DNAAF11: variants seen among roughly 807,000 people sequenced by gnomAD.
The protein encoded by DNAAF11 is dynein axonemal assembly factor 11, also known as leucine rich repeat containing 6.
A neutral mutation model predicts 60.8 loss-of-function variants in DNAAF11; 45 were observed. That is an observed-to-expected ratio of 0.74 (90% CI 0.58 to 0.95). DNAAF11 has a LOEUF of 0.95. Ranked by LOEUF, DNAAF11 falls within the 40% of genes least tolerant of loss-of-function variation. DNAAF11 has a pLI of 0.00. For synonymous variants in DNAAF11, 191 were observed against 183.5 expected, an observed-to-expected ratio of 1.04 and a Z score of -0.33; for missense variants, 546 against 546.2, an observed-to-expected ratio of 1.00 and a Z score of 0.00.
intron 3 of DNAAF11, among the ~76,000 whole-genome samples, chr8:132,642,158 T>TAATATAAGTTAG (rs1821920394): frequency 6.6e-6 from 1 of 152,232 alleles, no homozygotes; most frequent in African/African-American, 2.4e-5. Flanking sequence ...CATAATTTTC[T>TAATATAAGTTAG]CAAATGTTGT....
chr8:132,622,361 G>T (rs1819847054), intron 7 of DNAAF11, among the ~76,000 whole-genome samples: 1 of 152,154 alleles, frequency 6.6e-6, no homozygotes, highest in Non-Finnish European at 1.5e-5. Flanking sequence ...GTTTCATGGG[G>T]TACATAAATA....
chr8:132,633,129 T>C (rs1820972192), intron 4 of DNAAF11, among the ~76,000 whole-genome samples, 166 bp from the exon 5 acceptor site: 1 of 152,164 alleles, frequency 6.6e-6, no homozygotes, highest in South Asian at 2.1e-4. Context: ...AATGTATATT[T>C]CATATAATTT....
At chr8:132,654,389 T>C (rs79242899) in intron 3 of DNAAF11, among the ~76,000 whole-genome samples, 2,896 of 151,550 alleles carry the variant, frequency 0.019, 104 homozygotes, top group African/African-American at 0.066. Context: ...AGCAAGGAAA[T>C]AGAAGAGTAG....
the DNAAF11 span, among the ~76,000 whole-genome samples, chr8:132,697,038 C>A: frequency 6.6e-6 from 1 of 151,990 alleles, no homozygotes; most frequent in Non-Finnish European, 1.5e-5. Context: ...TACCCCTGAG[C>A]CTAAAATAAA....
chr8:132,634,412 G>C (rs1821093311), intron 4 of DNAAF11, among the ~76,000 whole-genome samples: 1 of 152,108 alleles, frequency 6.6e-6, no homozygotes. Flanking sequence ...ACAGTCACAG[G>C]TTTCATAAGG....
chr8:132,664,339 C>T (rs1232386133), intron 1 of DNAAF11, among the ~76,000 whole-genome samples: 1 of 152,188 alleles, frequency 6.6e-6, no homozygotes, highest in East Asian at 1.9e-4. Context: ...CAAGGTATCA[C>T]AGGCGCCTCT....
the DNAAF11 span, among the ~76,000 whole-genome samples, chr8:132,689,793 G>A: frequency 1.3e-5 from 2 of 152,026 alleles, no homozygotes; most frequent in African/African-American, 2.4e-5. Flanking sequence ...GCACAGTCAT[G>A]GTTCACTATA....
rs181936899 is a variant in DNAAF11 at position 132,649,722 on chromosome 8, C to T, written c.256+7108G>A. On this transcript the variant is annotated intron_variant, in intron 3 of 11. Transcript: ENST00000620350. ...AGTGGGTGAAGGATATGAACAGACA[C>T]TTCTCAAAAGAAGACATTTATGCAG... Among the ~76,000 whole-genome samples the T allele has an allele frequency of 3.7e-3, 558 of 152,304 alleles. 3 individuals are homozygous for T. Among genetic ancestry groups the T allele is most frequent in the African/African-American group, 0.013 (524 of 41,564 alleles).
upstream of DNAAF11, among the ~76,000 whole-genome samples, chr8:132,680,496 C>G (rs1036134726): frequency 2.6e-5 from 4 of 151,960 alleles, no homozygotes; most frequent in African/African-American, 9.7e-5. Context: ...TTCATTTTAA[C>G]TTATATAATT....
chr8:132,590,057 G>A (rs892907115), intron 10 of DNAAF11, among the ~76,000 whole-genome samples: 2 of 152,156 alleles, frequency 1.3e-5, no homozygotes, highest in Non-Finnish European at 2.9e-5. Flanking sequence ...GAACCTGTTT[G>A]TCCTCATATC....
intron 4 of DNAAF11, among the ~76,000 whole-genome samples, chr8:132,635,458 G>C (rs934084961): frequency 2.0e-5 from 3 of 152,162 alleles, no homozygotes; most frequent in African/African-American, 7.2e-5. Context: ...GTCAGACCTT[G>C]GTTTGTCTGC....
intron 3 of DNAAF11, among the ~76,000 whole-genome samples, chr8:132,655,825 T>C (rs1307301606): frequency 1.3e-5 from 2 of 152,174 alleles, no homozygotes; most frequent in Non-Finnish European, 2.9e-5. Flanking sequence ...AACAAAAATA[T>C]CTTCCTATCT....
chr8:132,601,680 C>T (rs1817636631), intron 10 of DNAAF11, among the ~76,000 whole-genome samples: 1 of 152,058 alleles, frequency 6.6e-6, no homozygotes, highest in South Asian at 2.1e-4. Flanking sequence ...GGACAAAAAA[C>T]CAAACACCGC....
At chr8:132,659,535 T>C (rs1442109962) in intron 2 of DNAAF11, among the ~76,000 whole-genome samples, 1 of 152,198 alleles carries the variant, frequency 6.6e-6, no homozygotes, top group African/African-American at 2.4e-5. Flanking sequence ...TCTGTACAAT[T>C]AGAACCGTTC....
intron 7 of DNAAF11, among the ~76,000 whole-genome samples, chr8:132,617,916 T>A (rs1478267542): frequency 1.3e-5 from 2 of 149,650 alleles, no homozygotes; most frequent in Non-Finnish European, 3.0e-5. Context: ...AAGCTACCAA[T>A]GACTTTCTTC....
At chr8:132,602,738 A>C (rs1394737357) in intron 10 of DNAAF11, among the ~76,000 whole-genome samples, 1 of 139,010 alleles carries the variant, frequency 7.2e-6, no homozygotes, top group Non-Finnish European at 1.5e-5. Flanking sequence ...TGGATACTTA[A>C]TTTGAAATAT....
intron 7 of DNAAF11, among the ~76,000 whole-genome samples, chr8:132,621,647 AAC>A (rs1194465230): frequency 7.9e-5 from 12 of 151,216 alleles, no homozygotes; most frequent in Non-Finnish European, 1.8e-4. Context: ...GAAACCTGTT[AAC>A]AGTCATTGCT....
intron 1 of DNAAF11, among the ~76,000 whole-genome samples, chr8:132,673,400 C>T (rs1825377035): frequency 6.6e-6 from 1 of 152,164 alleles, no homozygotes; most frequent in Admixed American, 6.5e-5. Flanking sequence ...TGTCATCTGT[C>T]CTGTTGCCAC....
intron 3 of DNAAF11, among the ~76,000 whole-genome samples, chr8:132,648,816 C>A (rs1165047525): frequency 1.3e-5 from 2 of 152,046 alleles, no homozygotes; most frequent in African/African-American, 4.8e-5. Context: ...ATGTGAAGGA[C>A]CTCTTCAAGG....
Sources: allele counts gnomAD v4.1 joint callset (sites outside exome capture counted in the v4.1 genomes callset), GRCh38; gene constraint gnomAD v4.1.1; transcripts MANE v1.5; gene names NCBI Gene and HGNC (gene_info 2026-07-23, HGNC 2026-07-21).